The following KCNJ15 variants were observed in gnomAD, a reference collection of about 807,000 sequenced individuals.
KCNJ15 encodes ATP-sensitive inward rectifier potassium channel 15.
KCNJ15 carries 14 observed loss-of-function variants against 23.0 expected under a neutral mutation model. That is an observed-to-expected ratio of 0.61 (90% CI 0.40 to 0.95). KCNJ15 has a LOEUF of 0.95. KCNJ15 is among the 40% of genes least tolerant of loss of function. The probability of loss-of-function intolerance (pLI) is 0.00; values close to 1 mark genes in which losing one functional copy is unlikely to be tolerated. For missense variants in KCNJ15, 388 were observed against 461.8 expected, an observed-to-expected ratio of 0.84 and a Z score of 1.46; for synonymous variants, 185 against 183.2, an observed-to-expected ratio of 1.01 and a Z score of -0.08.
intron 1 of KCNJ15, among the ~76,000 whole-genome samples, chr21:38,280,902 C>T (rs1476831699): frequency 1.3e-5 from 2 of 152,120 alleles, no homozygotes; most frequent in African/African-American, 4.8e-5. Context: ...GTGATGCTTG[C>T]TATAACCATC....
intron 1 of KCNJ15, among the ~76,000 whole-genome samples, chr21:38,277,834 T>C (rs1371260246): frequency 1.2e-5 from 1 of 85,810 alleles, no homozygotes; most frequent in Non-Finnish European, 3.1e-5. Flanking sequence ...TTTTTGACCT[T>C]CATTCATTCT....
chr21:38,231,664 T>A (rs796103315), intron 1 of KCNJ15, among the ~76,000 whole-genome samples: 50 of 151,640 alleles, frequency 3.3e-4, no homozygotes, highest in South Asian at 1.2e-3. Flanking sequence ...GTTTTTTTTT[T>A]ATCATAAATG....
intron 1 of KCNJ15, among the ~76,000 whole-genome samples, chr21:38,275,519 CAAAAAAAAAA>C (rs10709944): frequency 1.1e-5 from 1 of 88,120 alleles, no homozygotes; most frequent in African/African-American, 4.8e-5. Context: ...GAAACTCCGT[CAAAAAAAAAA>C]AAAAAAAAAA....
chr21:38,294,468 C>T (rs548504235), intron 1 of KCNJ15, among the ~76,000 whole-genome samples: 5 of 152,258 alleles, frequency 3.3e-5, no homozygotes, highest in African/African-American at 9.6e-5. Context: ...CCACTGTCTC[C>T]CCATTTTTCT....
intron 1 of KCNJ15, among the ~76,000 whole-genome samples, chr21:38,259,505 G>A (rs1980660422): frequency 6.6e-6 from 1 of 152,144 alleles, no homozygotes; most frequent in Non-Finnish European, 1.5e-5. Context: ...CTCTAAATAT[G>A]TTGTTTTAAT....
chr21:38,288,018 G>GCTTTTTTCTTTTT (rs1984096468), intron 1 of KCNJ15, among the ~76,000 whole-genome samples: 5 of 26,018 alleles, frequency 1.9e-4, no homozygotes, highest in South Asian at 3.6e-3. Flanking sequence ...TAAATAACTT[G>GCTTTTTTCTTTTT]TTTTTTTCTT....
chr21:38,287,966 G>C (rs1439781630), intron 1 of KCNJ15, among the ~76,000 whole-genome samples: 1 of 146,852 alleles, frequency 6.8e-6, no homozygotes, highest in Non-Finnish European at 1.5e-5. Flanking sequence ...TAGACTGATA[G>C]TGAGACAGAA....
Position 38,288,030 on chromosome 21 carries a change from G to GTTTTTTTTTTT in KCNJ15, c.-116-8878_-116-8868dup, listed in dbSNP as rs71184612. Among the ~76,000 whole-genome samples the GTTTTTTTTTTT allele has an allele frequency of 2.9e-4, 24 of 81,448 alleles. 3 individuals are homozygous for GTTTTTTTTTTT. Among genetic ancestry groups the GTTTTTTTTTTT allele is most frequent in the South Asian group, 5.0e-4 (1 of 1,990 alleles). 53.4% of individuals were successfully genotyped at this position (81,448 alleles called of 152,430 possible). A position where few individuals can be genotyped will look rare whatever the true frequency, so the allele number is the denominator to read the frequency against. ...TGTTAAATAACTTGTTTTTTTCTTT[G>GTTTTTTTTTTT]TTTTTTTTTTTTTTTTTTTTTTTTT... is the stretch of plus-strand genomic sequence containing the variant. On this transcript the variant is annotated intron_variant, in intron 1 of 2. Transcript: ENST00000398938.
chr21:38,293,510 C>T (rs992451256), intron 1 of KCNJ15, among the ~76,000 whole-genome samples: 1 of 152,196 alleles, frequency 6.6e-6, no homozygotes, highest in Non-Finnish European at 1.5e-5. Context: ...TCAACCACAA[C>T]CTCCCAAATT....
intron 1 of KCNJ15, among the ~76,000 whole-genome samples, chr21:38,281,829 C>A (rs1983377604): frequency 1.3e-5 from 2 of 152,124 alleles, no homozygotes; most frequent in East Asian, 1.9e-4. Flanking sequence ...GTTTTAAGTT[C>A]TTTTAGAAAT....
chr21:38,239,195 C>T (rs1978824071), intron 1 of KCNJ15, among the ~76,000 whole-genome samples: 1 of 152,218 alleles, frequency 6.6e-6, no homozygotes, highest in East Asian at 1.9e-4. Context: ...CATGTTGACA[C>T]TTACCTCTAA....
chr21:38,289,099 AG>A (rs1984301456), intron 1 of KCNJ15, among the ~76,000 whole-genome samples: 1 of 148,290 alleles, frequency 6.7e-6, no homozygotes, highest in Non-Finnish European at 1.5e-5. Context: ...CGGGAGGTTG[AG>A]GCACGAGAAT....
At chr21:38,298,020 A>C (rs1237542617) in intron 2 of KCNJ15, 1 of 152,230 alleles carries the variant, frequency 6.6e-6, no homozygotes, top group East Asian at 1.9e-4. Flanking sequence ...CAATGCATGA[A>C]TCTGTATATC....
intron 1 of KCNJ15, among the ~76,000 whole-genome samples, chr21:38,273,729 A>G (rs552442118): frequency 6.6e-5 from 10 of 152,374 alleles, no homozygotes; most frequent in East Asian, 1.9e-4. Flanking sequence ...TTGAACATCA[A>G]TAGTTAAACG....
intron 1 of KCNJ15, among the ~76,000 whole-genome samples, chr21:38,245,201 G>T (rs1427244081): frequency 6.6e-6 from 1 of 152,020 alleles, no homozygotes; most frequent in Non-Finnish European, 1.5e-5. Context: ...CCGCATCCTG[G>T]TTCTATTCCC....
chr21:38,268,631 A>T (rs990822982), intron 1 of KCNJ15, among the ~76,000 whole-genome samples: 1 of 150,726 alleles, frequency 6.6e-6, no homozygotes, highest in African/African-American at 2.4e-5. Flanking sequence ...TGGAAACCTG[A>T]CAAATGGAAG....
intron 1 of KCNJ15, among the ~76,000 whole-genome samples, chr21:38,283,478 T>G (rs6517455): frequency 0.78 from 118,900 of 152,152 alleles, 46,663 homozygotes; most frequent in African/African-American, 0.84. Flanking sequence ...TTAGCATTTT[T>G]TCATGATTTT....
intron 1 of KCNJ15, among the ~76,000 whole-genome samples, chr21:38,279,240 G>A (rs945668710): frequency 1.3e-5 from 2 of 151,822 alleles, no homozygotes; most frequent in African/African-American, 2.4e-5. Context: ...TGGGGTGTTT[G>A]TGGGCAATCA....
At chr21:38,297,151 C>T (rs1004401521) in intron 2 of KCNJ15, 128 bp downstream of exon 2, 2 of 152,622 alleles carry the variant, frequency 1.3e-5, no homozygotes, top group African/African-American at 4.8e-5. Flanking sequence ...CCCAACACAC[C>T]CAGAGGCTCT....
Sources: gnomAD v4.1 joint callset for allele counts (sites outside exome capture counted in the v4.1 genomes callset) on GRCh38, gnomAD v4.1.1 for gene constraint, MANE v1.5 for transcripts, NCBI Gene and HGNC (gene_info 2026-07-23, HGNC 2026-07-21) for gene names.